Variants in PPM1H observed in about 807,000 individuals in gnomAD.
PPM1H encodes protein phosphatase, Mg2+/Mn2+ dependent 1H.
In PPM1H, 27 loss-of-function variants were observed where a neutral mutation model predicts 54.9. The ratio of observed to expected loss-of-function variants is 0.49; its 90% CI spans 0.36 to 0.68. The LOEUF is 0.68. Among genes scored for constraint, PPM1H ranks in the 30% least tolerant of loss-of-function variants. The pLI, the probability that PPM1H is intolerant of heterozygous loss-of-function variation, is 0.00. For missense variants in PPM1H, 596 were observed against 667.8 expected (o/e 0.89, Z 1.19); for synonymous variants, 305 against 270.8 (o/e 1.13, Z -1.24).
chr12:62,808,053 G>C (rs2076815598), intron 2 of PPM1H, among the ~76,000 whole-genome samples: 1 of 152,198 alleles, frequency 6.6e-6, no homozygotes, highest in African/African-American at 2.4e-5. Context: ...GCCCAGGCTA[G>C]TGAACTGGGC....
At chr12:62,879,110 T>G (rs1475764348) in intron 1 of PPM1H, among the ~76,000 whole-genome samples, 1 of 152,182 alleles carries the variant, frequency 6.6e-6, no homozygotes, top group African/African-American at 2.4e-5. Flanking sequence ...TGTACTAACG[T>G]CTTACCCTCT....
At chr12:62,686,587 C>A (rs1185408575) in intron 8 of PPM1H, among the ~76,000 whole-genome samples, 2 of 152,126 alleles carry the variant, frequency 1.3e-5, no homozygotes, top group Non-Finnish European at 2.9e-5. Context: ...ATTCACGGAT[C>A]CTGATGTTGG....
chr12:62,688,520 T>C (rs1247034070), intron 8 of PPM1H, among the ~76,000 whole-genome samples: 4 of 152,208 alleles, frequency 2.6e-5, no homozygotes, highest in Non-Finnish European at 5.9e-5. Flanking sequence ...AAAAAATTTC[T>C]AAATGATATA....
At chr12:62,675,381 C>T (rs1471967686) in intron 8 of PPM1H, among the ~76,000 whole-genome samples, 2 of 152,190 alleles carry the variant, frequency 1.3e-5, no homozygotes, top group African/African-American at 2.4e-5. Context: ...GTTTGTTCAC[C>T]ACTAGATCCA....
At chr12:62,688,100 A>G (rs1477392646) in intron 8 of PPM1H, among the ~76,000 whole-genome samples, 1 of 152,030 alleles carries the variant, frequency 6.6e-6, no homozygotes, top group Non-Finnish European at 1.5e-5. Flanking sequence ...ATTTCCTTCT[A>G]CTATCGAAAT....
At chr12:62,848,748 G>A (rs79121701) in intron 1 of PPM1H, among the ~76,000 whole-genome samples, 70 of 152,286 alleles carry the variant, frequency 4.6e-4, no homozygotes, top group African/African-American at 1.6e-3. Context: ...AGAATTGTAC[G>A]TGATATACCC....
chr12:62,694,902 C>G (rs1297108816), intron 6 of PPM1H, among the ~76,000 whole-genome samples: 1 of 152,142 alleles, frequency 6.6e-6, no homozygotes, highest in Non-Finnish European at 1.5e-5. Flanking sequence ...CGTGGCATAC[C>G]GGTTCCCCTT....
chr12:62,731,197 A>G (rs772237635), intron 5 of PPM1H, among the ~76,000 whole-genome samples: 2 of 152,256 alleles, frequency 1.3e-5, no homozygotes. Flanking sequence ...TTTTATAATT[A>G]GAAAATTTGA....
chr12:62,893,541 C>T (rs1221151895), intron 1 of PPM1H, among the ~76,000 whole-genome samples: 1 of 152,078 alleles, frequency 6.6e-6, no homozygotes, highest in Non-Finnish European at 1.5e-5. Flanking sequence ...ACTGCAGCCT[C>T]TATTTCCTGG....
At chr12:62,914,001 A>G (rs1403208539) in intron 1 of PPM1H, among the ~76,000 whole-genome samples, 1 of 152,158 alleles carries the variant, frequency 6.6e-6, no homozygotes, top group Non-Finnish European at 1.5e-5. Flanking sequence ...TGCCTGGCCC[A>G]ATATACATTT....
At chr12:62,819,224 A>G (rs920457808) in intron 2 of PPM1H, among the ~76,000 whole-genome samples, 2 of 150,424 alleles carry the variant, frequency 1.3e-5, no homozygotes, top group Non-Finnish European at 3.0e-5. Context: ...CTGCCCTCCA[A>G]GTTAAAGTGA....
At chr12:62,737,694 G>T in intron 4 of PPM1H, 108 bp from the exon 5 acceptor site, 2 of 725,414 alleles carry the variant, frequency 2.8e-6, no homozygotes, top group Non-Finnish European at 2.2e-6. Context: ...AGATGTTTTT[G>T]TTTTCCCACT....
In PPM1H at chr12:62,655,308, A is replaced by T. The variant is rs370930490; in HGVS notation, c.1398-6672T>A. ...CATCCATCTTCGGAGCCACCTTGCC[A>T]TATGAAATGCATGAAATCCTTTGCT... On this transcript the variant is annotated intron_variant, in intron 9 of 9. Coordinates refer to ENST00000228705, the MANE Select transcript of PPM1H (RefSeq NM_020700.2). Among the ~76,000 whole-genome samples the T allele has an allele frequency of 5.9e-5, 9 of 152,308 alleles. No individual in the cohort carries two copies. In the South Asian group the frequency reaches 1.4e-3, roughly 25 times the overall value.
chr12:62,818,487 T>G (rs1380354045), intron 2 of PPM1H, among the ~76,000 whole-genome samples: 1 of 152,182 alleles, frequency 6.6e-6, no homozygotes, highest in Non-Finnish European at 1.5e-5. Flanking sequence ...AATAAGGTAT[T>G]GTCCTCAACA....
Position 62,648,454 on chromosome 12 carries a change from C to T in PPM1H, c.*35G>A. ...TCCTGCCAAGAGGCATCCCAGCTTT[C>T]TTCCCCTCTGTCCTCCCAATCCCCT... On this transcript the variant is annotated 3_prime_UTR_variant, in exon 10 of 10. Coordinates refer to ENST00000228705, the MANE Select transcript of PPM1H (RefSeq NM_020700.2). 1 of 1,610,690 alleles carries T rather than the reference C, an allele frequency of 6.2e-7. No individual in the cohort carries two copies.
At position 62,860,040 on chromosome 12, in the gene PPM1H, C is replaced by T. The variant is rs531967550; in HGVS notation, c.246-27761G>A. Among the ~76,000 whole-genome samples the T allele has an allele frequency of 3.5e-3, 528 of 151,458 alleles. 3 individuals are homozygous for T. Among genetic ancestry groups the T allele is most frequent in the Admixed American group, 5.5e-3 (84 of 15,280 alleles). ...TCTCATGCTGCTATGAAGAAATATCCGAGACTGGGTAATTTATTTAAAAAA... is the reference window on the plus strand; with the variant it reads ...TCTCATGCTGCTATGAAGAAATATCTGAGACTGGGTAATTTATTTAAAAAA... On this transcript the variant is annotated intron_variant, in intron 1 of 9. Transcript: ENST00000228705.
intron 1 of PPM1H, among the ~76,000 whole-genome samples, chr12:62,857,908 C>T (rs1384522975): frequency 6.6e-6 from 1 of 152,192 alleles, no homozygotes; most frequent in East Asian, 1.9e-4. Flanking sequence ...GCACCCAGGT[C>T]AGCGCCTTGC....
In PPM1H at chr12:62,828,193, G is replaced by T. The variant is rs990674470; in HGVS notation, c.411+3921C>A. On this transcript the variant is annotated intron_variant, in intron 2 of 9. Coordinates refer to ENST00000228705, the MANE Select transcript of PPM1H (RefSeq NM_020700.2). ...AAAAATCACTGGCCTCTTTTAACCAGTGTGTCCAGTGTCCTCTGCTAGTAA... is the reference window on the plus strand; with the variant it reads ...AAAAATCACTGGCCTCTTTTAACCATTGTGTCCAGTGTCCTCTGCTAGTAA... 4.6e-5 allele frequency among the ~76,000 whole-genome samples: 7 copies of T among 152,192 alleles called. 1 individual carries two copies. Among genetic ancestry groups the T allele is most frequent in the Admixed American group, 4.6e-4 (7 of 15,290 alleles).
At chr12:62,666,956 C>T (rs1444079927) in intron 9 of PPM1H, among the ~76,000 whole-genome samples, 1 of 152,206 alleles carries the variant, frequency 6.6e-6, no homozygotes, top group Non-Finnish European at 1.5e-5. Context: ...TCATGATTCA[C>T]CCGCCTTGGC....
Sources: allele counts gnomAD v4.1 joint callset (sites outside exome capture counted in the v4.1 genomes callset), GRCh38; gene constraint gnomAD v4.1.1; transcripts MANE v1.5; gene names NCBI Gene and HGNC (gene_info 2026-07-23, HGNC 2026-07-21).